C4orf36: variants seen among roughly 807,000 people sequenced by gnomAD.
C4orf36 encodes the protein chromosome 4 open reading frame 36, also known as uncharacterized protein C4orf36.
C4orf36 carries 11 observed loss-of-function variants against 12.2 expected under a neutral mutation model. The observed-to-expected ratio is 0.90, with a 90% CI of 0.57 to 1.49. C4orf36 has a LOEUF of 1.49. Among genes scored for constraint, C4orf36 ranks in the 40% most tolerant of loss-of-function variants. C4orf36 has a pLI of 0.00. For synonymous variants in C4orf36, 54 were observed against 51.3 expected, an observed-to-expected ratio of 1.05 and a Z score of -0.22; for missense variants, 137 against 133.9, an observed-to-expected ratio of 1.02 and a Z score of -0.11.
At chr4:86,892,155 C>A in intron 1 of C4orf36, 28 bp downstream of exon 1, 1 of 985,624 alleles carries the variant, frequency 1.0e-6, no homozygotes, top group African/African-American at 1.7e-5. Context: ...GAGAAGGGAA[C>A]GGCCTCAGCC....
the C4orf36 span, among the ~76,000 whole-genome samples, chr4:86,905,247 G>A: frequency 6.6e-6 from 1 of 151,946 alleles, no homozygotes; most frequent in Non-Finnish European, 1.5e-5. Flanking sequence ...GCTAGGCATG[G>A]TGGCACATGC....
the C4orf36 span, among the ~76,000 whole-genome samples, chr4:86,928,212 G>A: frequency 2.0e-5 from 3 of 152,344 alleles, no homozygotes; most frequent in Admixed American, 6.5e-5. Context: ...AGGGGAAGGT[G>A]AGACTATTCA....
chr4:86,885,461 T>C (rs1235271242), intron 4 of C4orf36, among the ~76,000 whole-genome samples: 1 of 152,222 alleles, frequency 6.6e-6, no homozygotes, highest in Non-Finnish European at 1.5e-5. Context: ...TTTGAAGCAA[T>C]TGCGAATGGG....
chr4:86,877,698 C>T (rs1466028583), intron 4 of C4orf36, among the ~76,000 whole-genome samples: 1 of 152,108 alleles, frequency 6.6e-6, no homozygotes, highest in Non-Finnish European at 1.5e-5. Flanking sequence ...AAGAAAATAT[C>T]GGGATAATTC....
the C4orf36 span, chr4:86,925,445 G>C: frequency 6.6e-6 from 1 of 152,130 alleles, no homozygotes; most frequent in Non-Finnish European, 1.5e-5. Flanking sequence ...TCAAACTCCT[G>C]AGCTCAAGTG....
chr4:86,908,134 A>G, the C4orf36 span, among the ~76,000 whole-genome samples: 1 of 150,404 alleles, frequency 6.6e-6, no homozygotes, highest in African/African-American at 2.4e-5. Flanking sequence ...ATTGTTTTGA[A>G]TGTATTCCCC....
the C4orf36 span, chr4:86,935,868 CT>C: frequency 6.6e-6 from 1 of 152,264 alleles, no homozygotes; most frequent in Non-Finnish European, 1.5e-5. Flanking sequence ...CTTGATAATG[CT>C]TTTTTCCCTC....
the C4orf36 span, chr4:86,914,502 G>A: frequency 6.0e-6 from 3 of 502,128 alleles, no homozygotes; most frequent in Non-Finnish European, 1.0e-5. Context: ...TTGGGTACCA[G>A]CAATTCTCCT....
intron 4 of C4orf36, among the ~76,000 whole-genome samples, chr4:86,878,082 G>GT (rs60255436): frequency 0.01 from 1,465 of 146,078 alleles, 14 homozygotes; most frequent in African/African-American, 0.019. Context: ...AGTTGCATGT[G>GT]TTTTTTTTTT....
the C4orf36 span, among the ~76,000 whole-genome samples, chr4:86,901,562 C>T: frequency 2.0e-5 from 3 of 150,128 alleles, no homozygotes; most frequent in South Asian, 2.1e-4. Flanking sequence ...CACCCGCCAC[C>T]GCACCCGGCT....
At chr4:86,894,737 C>A (rs1747552614), upstream of C4orf36, among the ~76,000 whole-genome samples, 1 of 152,190 alleles carries the variant, frequency 6.6e-6, no homozygotes, top group Admixed American at 6.5e-5. Context: ...TGGCTTCCTT[C>A]TTGCAGTCTC....
At chr4:86,902,300 T>C in the C4orf36 span, among the ~76,000 whole-genome samples, 1 of 151,428 alleles carries the variant, frequency 6.6e-6, no homozygotes, top group South Asian at 2.1e-4. Flanking sequence ...GGTATGCACC[T>C]GTTCCCAGCT....
At chr4:86,916,452 G>C in the C4orf36 span, among the ~76,000 whole-genome samples, 1 of 151,872 alleles carries the variant, frequency 6.6e-6, no homozygotes, top group South Asian at 2.1e-4. Context: ...GGCAGGAATG[G>C]AGGCTAGACA....
the C4orf36 span, among the ~76,000 whole-genome samples, chr4:86,929,000 T>G: frequency 3.9e-5 from 6 of 152,208 alleles, no homozygotes; most frequent in Admixed American, 2.0e-4. Flanking sequence ...CTTTAGTGTT[T>G]GTTGGATGTC....
At chr4:86,923,763 CA>C in the C4orf36 span, among the ~76,000 whole-genome samples, 4,295 of 62,456 alleles carry the variant, frequency 0.069, 144 homozygotes, top group African/African-American at 0.19. Flanking sequence ...GACTCTGTCT[CA>C]AAAAAAAAAA....
the C4orf36 span, chr4:86,913,977 T>C: frequency 6.4e-7 from 1 of 1,559,658 alleles, no homozygotes; most frequent in Admixed American, 1.7e-5. Flanking sequence ...TTCTTTAATG[T>C]AGGCAGAAAA....
intron 4 of C4orf36, among the ~76,000 whole-genome samples, chr4:86,880,249 G>C (rs1303766388): frequency 6.6e-6 from 1 of 152,146 alleles, no homozygotes. Flanking sequence ...AAGGTGAACA[G>C]ATCAGTTGAG....
intron 2 of C4orf36, chr4:86,890,163 C>T (rs1449050772): frequency 2.8e-6 from 1 of 362,704 alleles, no homozygotes; most frequent in African/African-American, 2.8e-5. Context: ...GAGACCCTGT[C>T]AGGAAAGAAG....
At chr4:86,922,860 G>C in the C4orf36 span, among the ~76,000 whole-genome samples, 4 of 152,032 alleles carry the variant, frequency 2.6e-5, no homozygotes. Context: ...TCAGGGTTGA[G>C]ATCTCTTCCA....
Sources: gnomAD v4.1 joint callset for allele counts (sites outside exome capture counted in the v4.1 genomes callset) on GRCh38, gnomAD v4.1.1 for gene constraint, MANE v1.5 for transcripts, NCBI Gene and HGNC (gene_info 2026-07-23, HGNC 2026-07-21) for gene names.